ERMP1: variants seen among roughly 807,000 people sequenced by gnomAD.
ERMP1 encodes endoplasmic reticulum metallopeptidase 1.
A neutral mutation model predicts 92.0 loss-of-function variants in ERMP1; 86 were observed. That is an observed-to-expected ratio of 0.93 (90% CI 0.79 to 1.12). The LOEUF (loss-of-function observed/expected upper bound fraction) is 1.12. ERMP1 is among the 50% of genes most tolerant of loss of function. ERMP1 has a pLI of 0.00. For synonymous variants in ERMP1, 530 were observed against 412.8 expected, an observed-to-expected ratio of 1.28 and a Z score of -3.44; for missense variants, 1,342 against 1,116.3, an observed-to-expected ratio of 1.20 and a Z score of -2.88.
chr9:5,831,163 T>C, intron 1 of ERMP1, 135 bp from the exon 2 acceptor site: 1 of 637,928 alleles, frequency 1.6e-6, no homozygotes, highest in Admixed American at 3.0e-5. Flanking sequence ...CCGCCTTTCA[T>C]TATTTCAGAC....
At chr9:5,853,211 G>A (rs1207916861) in intron 6 of ERMP1, among the ~76,000 whole-genome samples, 1 of 152,210 alleles carries the variant, frequency 6.6e-6, no homozygotes, top group Non-Finnish European at 1.5e-5. Flanking sequence ...TGATACAGGA[G>A]AAGGGTGGAA....
At chr9:5,842,434 C>CAAAAAAAAAAAA (rs57411750) in intron 6 of ERMP1, among the ~76,000 whole-genome samples, 9 of 107,874 alleles carry the variant, frequency 8.3e-5, no homozygotes, top group East Asian at 3.1e-4. Context: ...GAGACTGTCT[C>CAAAAAAAAAAAA]AAAAAAAAAA....
At chr9:5,851,107 C>T (rs1420215384) in intron 6 of ERMP1, among the ~76,000 whole-genome samples, 1 of 152,218 alleles carries the variant, frequency 6.6e-6, no homozygotes, top group Non-Finnish European at 1.5e-5. Context: ...GGCCCAACAT[C>T]TCTATGCTGT....
Position 5,797,876 on chromosome 9 carries a change from C to A in ERMP1, c.2327G>T (p.Arg776Leu), listed in dbSNP as rs777251448. The change falls in exon 13 of 15, where the codon CGA becomes CTA. Residue 776 changes from arginine to leucine, a missense_variant. Coordinates refer to ENST00000339450, the MANE Select transcript of ERMP1 (RefSeq NM_024896.3). ...AGGTGTCTGTTCTTTGGATATGAGTCGGAAATGAGGAGGATTTCTTGGAGA... is the reference window on the plus strand; with the variant it reads ...AGGTGTCTGTTCTTTGGATATGAGTAGGAAATGAGGAGGATTTCTTGGAGA... ...EVSPRNPPHF[R>L]LISKEQTPWD... The A allele has an allele frequency of 1.9e-6, 3 of 1,613,708 alleles. No homozygotes were observed. Among genetic ancestry groups the A allele is most frequent in the African/African-American group, 1.3e-5 (1 of 74,962 alleles).
At chr9:5,806,873 G>A (rs958486225) in intron 8 of ERMP1, among the ~76,000 whole-genome samples, 2 of 152,148 alleles carry the variant, frequency 1.3e-5, no homozygotes, top group African/African-American at 4.8e-5. Context: ...CCTTCTTCAA[G>A]GGCTCAAGAG....
At chr9:5,788,763 A>C (rs1217768033) in intron 13 of ERMP1, among the ~76,000 whole-genome samples, 1 of 152,202 alleles carries the variant, frequency 6.6e-6, no homozygotes, top group Non-Finnish European at 1.5e-5. Flanking sequence ...AACTACAAAT[A>C]TATCCATACA....
At chr9:5,802,539 C>G (rs1254758211) in intron 10 of ERMP1, among the ~76,000 whole-genome samples, 1 of 152,108 alleles carries the variant, frequency 6.6e-6, no homozygotes, top group African/African-American at 2.4e-5. Flanking sequence ...TGTGCACCAC[C>G]GTGCTCAGCT....
At chr9:5,788,794 AC>A (rs2131195264) in intron 13 of ERMP1, among the ~76,000 whole-genome samples, 1 of 152,314 alleles carries the variant, frequency 6.6e-6, no homozygotes, top group African/African-American at 2.4e-5. Context: ...GATATTTAAA[AC>A]CCCACCATGA....
chr9:5,828,663 T>C (rs1429571652), intron 2 of ERMP1, among the ~76,000 whole-genome samples: 12 of 152,246 alleles, frequency 7.9e-5, no homozygotes, highest in Non-Finnish European at 5.9e-5. Flanking sequence ...CTCATTTTCC[T>C]TGAGTATCTC....
upstream of ERMP1, chr9:5,833,190 T>G (rs776221490): frequency 6.3e-6 from 4 of 630,404 alleles, no homozygotes; most frequent in Non-Finnish European, 7.5e-6. Flanking sequence ...AGACCCAGCT[T>G]CTTTGGCAGT....
chr9:5,799,305 G>T (rs1279994569), intron 11 of ERMP1, among the ~76,000 whole-genome samples: 1 of 152,096 alleles, frequency 6.6e-6, no homozygotes, highest in African/African-American at 2.4e-5. Context: ...TTTAGATAAG[G>T]ATTTAAAACA....
rs148434786 is a variant in ERMP1 at position 5,814,021 on chromosome 9, G to T, written c.875-986C>A. Among the ~76,000 whole-genome samples the T allele has an allele frequency of 7.4e-3, 1,119 of 152,064 alleles. 16 individuals are homozygous for T. The highest frequency in any genetic ancestry group is 0.026 in the African/African-American group (1,072 of 41,468). On this transcript the variant is annotated intron_variant, in intron 4 of 14. Transcript: ENST00000339450. ...CTGGGGAATGAGTACATACTCTTCT[G>T]TACCTATTAACTGCAGGCGTGGCTA... is the stretch of plus-strand genomic sequence containing the variant.
At chr9:5,825,298 T>C in intron 2 of ERMP1, 79 bp from the exon 3 acceptor site, 1 of 1,398,102 alleles carries the variant, frequency 7.2e-7, no homozygotes, top group Non-Finnish European at 9.7e-7. Flanking sequence ...GGAATGGAGC[T>C]TTCTCCTCAG....
At chr9:5,819,368 T>G (rs1445766384) in intron 4 of ERMP1, among the ~76,000 whole-genome samples, 1 of 152,224 alleles carries the variant, frequency 6.6e-6, no homozygotes, top group Non-Finnish European at 1.5e-5. Flanking sequence ...AGGGTTCTCA[T>G]GCACAAATGC....
chr9:5,825,768 A>G (rs10975303), intron 2 of ERMP1, among the ~76,000 whole-genome samples: 71,585 of 152,020 alleles, frequency 0.47, 19,711 homozygotes, highest in Non-Finnish European at 0.62. Flanking sequence ...GAAGATACCT[A>G]ATCTAGTAAG....
intron 5 of ERMP1, among the ~76,000 whole-genome samples, chr9:5,866,665 C>T (rs540204320): frequency 6.6e-6 from 1 of 152,234 alleles, no homozygotes; most frequent in South Asian, 2.1e-4. Context: ...AACAGAAGGT[C>T]TTCAAACCCA....
intron 4 of ERMP1, among the ~76,000 whole-genome samples, chr9:5,819,876 G>C (rs1398798185): frequency 6.6e-6 from 1 of 152,112 alleles, no homozygotes; most frequent in Non-Finnish European, 1.5e-5. Context: ...GGGGAAAATG[G>C]GAGTGACTGC....
chr9:5,798,304 C>A (rs181938933), intron 12 of ERMP1, among the ~76,000 whole-genome samples: 93 of 152,218 alleles, frequency 6.1e-4, no homozygotes, highest in African/African-American at 2.1e-3. Context: ...GCAACCTCCA[C>A]CTCCCGGGTT....
chr9:5,820,492 A>T (rs1313243079), intron 4 of ERMP1, among the ~76,000 whole-genome samples: 1 of 152,204 alleles, frequency 6.6e-6, no homozygotes, highest in Non-Finnish European at 1.5e-5. Flanking sequence ...CCCAAGAGGA[A>T]AAAAGATTCT....
Sources: gnomAD v4.1 joint callset for allele counts (sites outside exome capture counted in the v4.1 genomes callset) on GRCh38, gnomAD v4.1.1 for gene constraint, MANE v1.5 for transcripts, NCBI Gene and HGNC (gene_info 2026-07-23, HGNC 2026-07-21) for gene names.